Variants in STIP1 observed in about 807,000 individuals in gnomAD.
STIP1 encodes stress-induced-phosphoprotein 1.
A neutral mutation model predicts 77.4 loss-of-function variants in STIP1; 16 were observed. The observed-to-expected ratio is 0.21, with a 90% confidence interval of 0.14 to 0.31. The LOEUF (loss-of-function observed/expected upper bound fraction) is 0.31, where lower values mean the gene tolerates loss of function less well. STIP1 is among the 10% of genes least tolerant of loss of function. The pLI is 1.00. For synonymous variants in STIP1, 258 were observed against 246.6 expected (o/e 1.05, Z -0.44); for missense variants, 524 against 684.8 (o/e 0.77, Z 2.62).
chr11:64,201,985 A>G (rs1946223520), intron 10 of STIP1, among the ~76,000 whole-genome samples: 1 of 152,212 alleles, frequency 6.6e-6, no homozygotes, highest in African/African-American at 2.4e-5. Context: ...TTTATCTGAC[A>G]AATGTTGACC....
At position 64,194,180 on chromosome 11, in the gene STIP1, T is replaced by C; in HGVS notation, c.220-9T>C. On this transcript the variant is annotated splice_polypyrimidine_tract_variant and intron_variant, in intron 2 of 13. Transcript: ENST00000305218. Reference sequence around the variant, plus strand: ...TTCTCTATTTTGTGTCTGTCTTTGGTGGTTTAAGGGCTATTCACGAAAAGC... The same window carrying C: ...TTCTCTATTTTGTGTCTGTCTTTGGCGGTTTAAGGGCTATTCACGAAAAGC... 2 of 1,608,906 alleles carry C rather than the reference T, an allele frequency of 1.2e-6. No homozygotes were observed. Among genetic ancestry groups the C allele is most frequent in the Non-Finnish European group, 1.7e-6 (2 of 1,178,566 alleles).
At chr11:64,203,901 T>C in intron 13 of STIP1, 153 bp from the exon 14 acceptor site, 4 of 926,872 alleles carry the variant, frequency 4.3e-6, no homozygotes, top group Middle Eastern at 2.8e-4. Context: ...TTCTGCGAAG[T>C]GGAGCAGGCC....
In STIP1 at chr11:64,198,977, A is replaced by G. The variant is rs545814190; in HGVS notation, c.1024-963A>G. On this transcript the variant is annotated intron_variant, in intron 8 of 13. Transcript: ENST00000305218. ...CACTTTGGGAGGCTGAGGTGGGTGG[A>G]TCACAAGGTCAGGAGTTCAAGACCA... Among the ~76,000 whole-genome samples the G allele has an allele frequency of 4.5e-4, 67 of 150,358 alleles. 1 individual carries two copies. Among genetic ancestry groups the G allele is most frequent in the African/African-American group, 1.6e-3 (66 of 40,870 alleles).
chr11:64,197,234 T>TA lies in STIP1; in HGVS notation c.673-36dup, dbSNP rs529760352. ...TAGATTCTTGCTTTGTCACCTGAGTTAGATTTGCTCAGCACTCACTTCTAA... is the reference window on the plus strand; with the variant it reads ...TAGATTCTTGCTTTGTCACCTGAGTTAAGATTTGCTCAGCACTCACTTCTAA... On this transcript the variant is annotated intron_variant, in intron 5 of 13. Transcript: ENST00000305218. 6.8e-6 allele frequency: 11 copies of TA among 1,610,116 alleles called. No homozygotes were observed. In the African/African-American group the frequency reaches 1.2e-4, roughly 18 times the overall value.
chr11:64,194,341 C>G lies in STIP1; in HGVS notation c.361+11C>G, dbSNP rs1474339148. ...AGGCCAGGTTGGCAGGTAGGTACCA[C>G]GCACAGTTTTCTTTCTTATTATTAA... On this transcript the variant is annotated intron_variant, in intron 3 of 13. Transcript: ENST00000305218. 5 of 1,612,354 alleles carry G rather than the reference C, an allele frequency of 3.1e-6. No individual in the cohort carries two copies. Among genetic ancestry groups the G allele is most frequent in the Non-Finnish European group, 4.2e-6 (5 of 1,179,616 alleles).
chr11:64,192,994 C>T (rs781675772), intron 1 of STIP1, 84 bp from the exon 2 acceptor site: 2 of 1,311,822 alleles, frequency 1.5e-6, no homozygotes, highest in African/African-American at 2.9e-5. Flanking sequence ...TTGTTGGTAA[C>T]TACATGAAAG....
At chr11:64,192,974 A>G in intron 1 of STIP1, 104 bp from the exon 2 acceptor site, 1 of 1,068,226 alleles carries the variant, frequency 9.4e-7, no homozygotes, top group Non-Finnish European at 1.4e-6. Context: ...CTGTAAAGTC[A>G]CCTATTTATT....
In STIP1 at chr11:64,197,254, T is replaced by C. The variant is rs1043794268; in HGVS notation, c.673-17T>C. 1 of 1,613,946 alleles carries C rather than the reference T, an allele frequency of 6.2e-7. No homozygotes were observed. Among genetic ancestry groups the C allele is most frequent in the Non-Finnish European group, 8.5e-7 (1 of 1,179,984 alleles). The stretch of plus-strand genomic sequence containing the variant: ...TGAGTTAGATTTGCTCAGCACTCAC[T>C]TCTAAACCTCATCTAGGCACTGAAA... On this transcript the variant is annotated splice_polypyrimidine_tract_variant and intron_variant, in intron 5 of 13. Coordinates refer to ENST00000305218, the MANE Select transcript of STIP1 (RefSeq NM_006819.3).
upstream of STIP1, chr11:64,185,665 G>C (rs1946002538): frequency 3.0e-6 from 3 of 1,002,806 alleles, no homozygotes; most frequent in Non-Finnish European, 4.2e-6. Context: ...GCAGCCGCCG[G>C]CGACACAGCT....
At chr11:64,199,506 C>CA (rs148843567) in intron 8 of STIP1, among the ~76,000 whole-genome samples, 1,238 of 100,456 alleles carry the variant, frequency 0.012, 14 homozygotes, top group East Asian at 0.036. Context: ...GACTCTATCT[C>CA]AAAAAAAAAA....
At chr11:64,193,522 G>A (rs1946115305) in intron 2 of STIP1, 4 of 507,840 alleles carry the variant, frequency 7.9e-6, no homozygotes, top group Middle Eastern at 5.5e-4. Context: ...GGTGACGCAC[G>A]CCTGTGATCC....
intron 8 of STIP1, among the ~76,000 whole-genome samples, 160 bp downstream of exon 8, chr11:64,198,134 C>T (rs151236602): frequency 5.9e-4 from 89 of 151,808 alleles, no homozygotes; most frequent in African/African-American, 1.7e-3. Context: ...TCGTGGCTCA[C>T]TGCAGCCTCA....
chr11:64,195,847 C>G (rs758946832), intron 5 of STIP1, 34 bp downstream of exon 5: 2 of 1,612,730 alleles, frequency 1.2e-6, no homozygotes, highest in Non-Finnish European at 8.5e-7. Context: ...TGTCACCTAT[C>G]TATAAACAAC....
chr11:64,197,978 C>T lies in STIP1; in HGVS notation c.1023+4C>T, dbSNP rs773862658. 39 of 1,610,114 alleles carry T rather than the reference C, an allele frequency of 2.4e-5. No homozygotes were observed. The highest frequency in any genetic ancestry group is 1.7e-4 in the Middle Eastern group (1 of 5,984). ...TGTGCTCAAGAAATGCCAGCAGGTG[C>T]GTAGGAAAAGAATAGGGGTATTTTC... On this transcript the variant is annotated splice_donor_region_variant and intron_variant, in intron 8 of 13. Transcript: ENST00000305218.
chr11:64,194,115 G>A (rs1483992414), intron 2 of STIP1, 74 bp from the exon 3 acceptor site: 21 of 1,548,330 alleles, frequency 1.4e-5, no homozygotes, highest in Middle Eastern at 2.3e-4. Context: ...AAGTAGAATT[G>A]TTCTTTTTTG....
intron 13 of STIP1, chr11:64,203,823 GC>G: frequency 1.3e-6 from 1 of 781,764 alleles, no homozygotes; most frequent in Non-Finnish European, 2.0e-6. Flanking sequence ...ATTTGGAAAG[GC>G]CCATTTAGCT....
In STIP1 at chr11:64,187,126, A is replaced by G. The variant is rs1487021150; in HGVS notation, c.9+856A>G. 3.6e-4 allele frequency among the ~76,000 whole-genome samples: 55 copies of G among 152,228 alleles called. 1 individual carries two copies. The highest frequency in any genetic ancestry group is 1.0e-4 in the Non-Finnish European group (7 of 68,012). ...CAACCGCTGGAAGTTATGGGCCTCT[A>G]CTGAGCATTTGAGGGGCCGAGTTTG... On this transcript the variant is annotated intron_variant, in intron 1 of 13. Coordinates refer to ENST00000305218, the MANE Select transcript of STIP1 (RefSeq NM_006819.3).
intron 10 of STIP1, 67 bp downstream of exon 10, chr11:64,200,360 C>T: frequency 6.5e-7 from 1 of 1,544,280 alleles, no homozygotes; most frequent in Non-Finnish European, 8.7e-7. Context: ...TTCTCTCTCT[C>T]TCCTCATCAA....
intron 1 of STIP1, among the ~76,000 whole-genome samples, chr11:64,189,876 G>A (rs1329883113): frequency 1.3e-5 from 2 of 151,878 alleles, no homozygotes; most frequent in Admixed American, 6.6e-5. Flanking sequence ...CCTCCATCTT[G>A]GGCTCTAGGA....
Sources: gnomAD v4.1 joint callset for allele counts (sites outside exome capture counted in the v4.1 genomes callset) on GRCh38, gnomAD v4.1.1 for gene constraint, MANE v1.5 for transcripts, NCBI Gene and HGNC (gene_info 2026-07-23, HGNC 2026-07-21) for gene names.